The following AP2B1 variants were observed in gnomAD, a reference collection of about 807,000 sequenced individuals.
AP2B1 encodes the protein AP-2 complex subunit beta.
A neutral mutation model predicts 102.0 loss-of-function variants in AP2B1; 23 were observed. The observed-to-expected ratio is 0.23, with a 90% confidence interval of 0.16 to 0.32. AP2B1 has a LOEUF of 0.32. Among genes scored for constraint, AP2B1 ranks in the 10% least tolerant of loss-of-function variants. The probability of loss-of-function intolerance (pLI) is 1.00; values close to 1 mark genes in which losing one functional copy is unlikely to be tolerated. For synonymous variants in AP2B1, 381 were observed against 421.2 expected, an observed-to-expected ratio of 0.90 and a Z score of 1.17; for missense variants, 541 against 1,157.4, an observed-to-expected ratio of 0.47 and a Z score of 7.73.
intron 18 of AP2B1, among the ~76,000 whole-genome samples, chr17:35,685,783 A>G (rs773333937): frequency 1.3e-5 from 2 of 151,810 alleles, no homozygotes; most frequent in East Asian, 1.9e-4. Context: ...CTTCTTTGAG[A>G]TGGAGTTTCA....
chr17:35,693,586 A>T (rs1008436845), intron 18 of AP2B1, among the ~76,000 whole-genome samples: 2 of 152,088 alleles, frequency 1.3e-5, no homozygotes, highest in African/African-American at 2.4e-5. Flanking sequence ...AGAAGGAGGG[A>T]CCCTGGTAAA....
chr17:35,597,118 C>T (rs2073315545), intron 2 of AP2B1: 2 of 517,636 alleles, frequency 3.9e-6, no homozygotes, highest in Non-Finnish European at 7.1e-6. Context: ...TAGCGACCTC[C>T]GGAAGCGGAG....
At chr17:35,603,883 G>C (rs984574538) in intron 3 of AP2B1, among the ~76,000 whole-genome samples, 1 of 152,196 alleles carries the variant, frequency 6.6e-6, no homozygotes, top group Admixed American at 6.5e-5. Context: ...CGAAAAGTCA[G>C]CCAGGGTTCT....
At chr17:35,602,111 GC>G (rs1191429377) in intron 3 of AP2B1, among the ~76,000 whole-genome samples, 7 of 152,038 alleles carry the variant, frequency 4.6e-5, no homozygotes, top group African/African-American at 1.7e-4. Context: ...GCTTGCTATT[GC>G]TGATACTTTA....
chr17:35,657,079 A>G (rs145946795), intron 13 of AP2B1, among the ~76,000 whole-genome samples: 1 of 152,268 alleles, frequency 6.6e-6, no homozygotes, highest in Non-Finnish European at 1.5e-5. Flanking sequence ...TCTCTCTGGT[A>G]GTTCCTCATA....
chr17:35,651,438 G>T (rs1185308717), intron 13 of AP2B1, among the ~76,000 whole-genome samples: 6 of 152,166 alleles, frequency 3.9e-5, no homozygotes, highest in Non-Finnish European at 8.8e-5. Flanking sequence ...TTAGGCAGAA[G>T]AAACACTCTA....
chr17:35,670,921 A>G, intron 15 of AP2B1, 23 bp downstream of exon 15: 10 of 1,613,220 alleles, frequency 6.2e-6, no homozygotes, highest in Non-Finnish European at 8.5e-6. Flanking sequence ...TGTTTTTTTC[A>G]CCATGAGAAG....
chr17:35,715,476 G>A lies in AP2B1; in HGVS notation c.2627-1719G>A, dbSNP rs587609945. Among the ~76,000 whole-genome samples, 8 of 152,356 alleles carry A rather than the reference G, an allele frequency of 5.3e-5. No individual in the cohort carries two copies. In the South Asian group the frequency reaches 1.2e-3, roughly 24 times the overall value. On this transcript the variant is annotated intron_variant, in intron 20 of 21. Coordinates refer to ENST00000610402, the MANE Select transcript of AP2B1 (RefSeq NM_001030006.2). ...TGTTCAACAAAGGCTCCTACTTTGT[G>A]TGTTTTTGGGTTTCCTGGGAAATGG... is the stretch of plus-strand genomic sequence containing the variant.
At chr17:35,691,761 G>T (rs2142998717) in intron 18 of AP2B1, among the ~76,000 whole-genome samples, 1 of 152,244 alleles carries the variant, frequency 6.6e-6, no homozygotes, top group South Asian at 2.1e-4. Context: ...CAGTATGTAG[G>T]TACTGGAGTC....
chr17:35,703,978 T>C (rs938452572), intron 18 of AP2B1, among the ~76,000 whole-genome samples: 2 of 152,166 alleles, frequency 1.3e-5, no homozygotes, highest in African/African-American at 4.8e-5. Context: ...AGTTTAGAAC[T>C]TGTCTGGATT....
At chr17:35,715,604 A>T (rs375911467) in intron 20 of AP2B1, among the ~76,000 whole-genome samples, 5 of 152,212 alleles carry the variant, frequency 3.3e-5, no homozygotes, top group African/African-American at 1.2e-4. Context: ...CTAGCTGATG[A>T]TGTTGCCTAG....
At chr17:35,646,682 G>A (rs2074943174) in intron 12 of AP2B1, among the ~76,000 whole-genome samples, 1 of 149,908 alleles carries the variant, frequency 6.7e-6, no homozygotes, top group Non-Finnish European at 1.5e-5. Context: ...TCCGCCTCCT[G>A]GGTTCAAGTG....
At chr17:35,715,285 A>G (rs77739134) in intron 20 of AP2B1, among the ~76,000 whole-genome samples, 1,679 of 152,342 alleles carry the variant, frequency 0.011, 29 homozygotes, top group African/African-American at 0.038. Flanking sequence ...TTCTAATTCT[A>G]GAAGAGTGAG....
chr17:35,631,456 C>T (rs1359966351), intron 9 of AP2B1, among the ~76,000 whole-genome samples: 3 of 152,094 alleles, frequency 2.0e-5, no homozygotes, highest in Non-Finnish European at 2.9e-5. Flanking sequence ...ATCTGGTAGA[C>T]ATCATTTTAT....
chr17:35,612,555 A>T (rs1053489298), intron 5 of AP2B1, among the ~76,000 whole-genome samples: 1 of 152,232 alleles, frequency 6.6e-6, no homozygotes. Context: ...AGTGCCTTCT[A>T]TGCCATGCAC....
intron 13 of AP2B1, among the ~76,000 whole-genome samples, chr17:35,653,529 A>C (rs1472007267): frequency 1.3e-5 from 2 of 152,156 alleles, no homozygotes; most frequent in Non-Finnish European, 2.9e-5. Flanking sequence ...GCTGGAGTGC[A>C]GTGGTGCAAT....
intron 21 of AP2B1, among the ~76,000 whole-genome samples, chr17:35,722,072 C>T (rs782806547): frequency 3.3e-5 from 5 of 152,208 alleles, no homozygotes; most frequent in Admixed American, 6.5e-5. Flanking sequence ...AAAACCCCTT[C>T]TCTACTAAAA....
At chr17:35,611,464 C>CGTGTGT (rs150048485) in intron 5 of AP2B1, among the ~76,000 whole-genome samples, 14 of 151,158 alleles carry the variant, frequency 9.3e-5, no homozygotes, top group African/African-American at 2.9e-4. Context: ...GCAGTAAAGT[C>CGTGTGT]GTGTGTGTGT....
chr17:35,687,756 G>T (rs2075965932), intron 18 of AP2B1, among the ~76,000 whole-genome samples: 1 of 151,946 alleles, frequency 6.6e-6, no homozygotes, highest in South Asian at 2.1e-4. Flanking sequence ...TCACTGTGTT[G>T]CCCAGGCTGG....
Sources: allele counts gnomAD v4.1 joint callset (sites outside exome capture counted in the v4.1 genomes callset), GRCh38; gene constraint gnomAD v4.1.1; transcripts MANE v1.5; gene names NCBI Gene and HGNC (gene_info 2026-07-23, HGNC 2026-07-21).